BICC1: variants seen among roughly 807,000 people sequenced by gnomAD.
BICC1 encodes the protein BicC family RNA binding protein 1.
A neutral mutation model predicts 111.0 loss-of-function variants in BICC1; 43 were observed. The ratio of observed to expected loss-of-function variants is 0.39; its 90% CI spans 0.30 to 0.50. The LOEUF (loss-of-function observed/expected upper bound fraction) is 0.50. Among genes scored for constraint, BICC1 ranks in the 20% least tolerant of loss-of-function variants. The pLI, the probability that BICC1 is intolerant of heterozygous loss-of-function variation, is 0.88. For synonymous variants in BICC1, 467 were observed against 434.4 expected (o/e 1.07, Z -0.93); for missense variants, 1,091 against 1,203.2 (o/e 0.91, Z 1.38).
At chr10:58,757,876 G>A (rs1190547535) in intron 3 of BICC1, among the ~76,000 whole-genome samples, 1 of 152,034 alleles carries the variant, frequency 6.6e-6, no homozygotes, top group African/African-American at 2.4e-5. Flanking sequence ...TCTTTTTGCT[G>A]CCACAGCAAA....
intron 2 of BICC1, among the ~76,000 whole-genome samples, chr10:58,662,938 T>C (rs1468487346): frequency 6.6e-6 from 1 of 152,192 alleles, no homozygotes; most frequent in Non-Finnish European, 1.5e-5. Context: ...TTTTATCCAG[T>C]GTCTAGAATA....
intron 2 of BICC1, among the ~76,000 whole-genome samples, chr10:58,643,421 A>G (rs141771188): frequency 6.0e-4 from 92 of 152,330 alleles, no homozygotes; most frequent in African/African-American, 2.0e-3. Flanking sequence ...TTAGTTGTCA[A>G]TCACCACCTG....
chr10:58,620,250 AT>A (rs1459566464), intron 1 of BICC1, among the ~76,000 whole-genome samples: 1 of 152,240 alleles, frequency 6.6e-6, no homozygotes, highest in Non-Finnish European at 1.5e-5. Flanking sequence ...ATCTATAAAA[AT>A]GATATGAAAA....
chr10:58,607,942 G>A (rs1845283896), intron 1 of BICC1, among the ~76,000 whole-genome samples: 1 of 152,132 alleles, frequency 6.6e-6, no homozygotes, highest in African/African-American at 2.4e-5. Flanking sequence ...GGAAATAGCT[G>A]TCCTTCCTGG....
rs570619521 is a variant in BICC1, at chr10:58,621,782, C to A, written c.237+881C>A. Reference sequence around the variant, plus strand: ...GTGTGGTCGCAGATGCCTGTAATCCCAGTTACTTGGAAGGCTGAGGCACGA... The same window carrying A: ...GTGTGGTCGCAGATGCCTGTAATCCAAGTTACTTGGAAGGCTGAGGCACGA... On this transcript the variant is annotated intron_variant, in intron 2 of 20. Coordinates refer to ENST00000373886, the MANE Select transcript of BICC1 (RefSeq NM_001080512.3). Among the ~76,000 whole-genome samples the A allele has an allele frequency of 4.6e-5, 7 of 152,018 alleles. No individual in the cohort carries two copies. The South Asian group carries it at 1.5e-3, about 32-fold the overall frequency.
At chr10:58,759,302 T>A (rs1206748948) in intron 3 of BICC1, among the ~76,000 whole-genome samples, 1 of 152,076 alleles carries the variant, frequency 6.6e-6, no homozygotes, top group Non-Finnish European at 1.5e-5. Context: ...TAAGCAAAAA[T>A]GATTCAATAT....
intron 1 of BICC1, among the ~76,000 whole-genome samples, chr10:58,581,631 C>T (rs1185449192): frequency 1.3e-5 from 2 of 152,132 alleles, no homozygotes; most frequent in Non-Finnish European, 1.5e-5. Context: ...TAGTTAACAA[C>T]ATTAACGATC....
chr10:58,780,928 T>C (rs1025429197), intron 3 of BICC1, among the ~76,000 whole-genome samples: 3 of 152,190 alleles, frequency 2.0e-5, no homozygotes, highest in Non-Finnish European at 2.9e-5. Context: ...CTTACAGATA[T>C]CCATATGAAA....
rs1331775525 is a variant in BICC1 at position 58,817,713 on chromosome 10, G to C, written c.2685G>C (p.Gln895His). The change falls in exon 19 of 21, where the codon CAG becomes CAC. Residue 895 changes from glutamine to histidine, a missense_variant. Coordinates refer to ENST00000373886, the MANE Select transcript of BICC1 (RefSeq NM_001080512.3). ...TGGGCAAATACACAGATGTTTTCCAGCAACAAGAGGTCAGTCATTATTTAT... is the reference window on the plus strand; with the variant it reads ...TGGGCAAATACACAGATGTTTTCCACCAACAAGAGGTCAGTCATTATTTAT... ...LGLGKYTDVF[Q>H]QQEIDLQTFL... 1 of 1,607,514 alleles carries C rather than the reference G, an allele frequency of 6.2e-7. No individual in the cohort carries two copies. Among genetic ancestry groups the C allele is most frequent in the Admixed American group, 1.7e-5 (1 of 59,082 alleles).
chr10:58,729,593 G>A (rs1841223465), intron 3 of BICC1, among the ~76,000 whole-genome samples: 1 of 152,164 alleles, frequency 6.6e-6, no homozygotes, highest in South Asian at 2.1e-4. Context: ...AAGAAAAGAG[G>A]TTTAATTGGC....
intron 3 of BICC1, among the ~76,000 whole-genome samples, chr10:58,777,547 C>A (rs1265108390): frequency 3.3e-5 from 5 of 152,160 alleles, no homozygotes; most frequent in Non-Finnish European, 7.3e-5. Context: ...TCCTTGCATT[C>A]AGCAAGAACC....
chr10:58,604,389 G>T (rs550898190), intron 1 of BICC1, among the ~76,000 whole-genome samples: 2 of 152,152 alleles, frequency 1.3e-5, no homozygotes, highest in African/African-American at 4.8e-5. Context: ...AAATTAAGCG[G>T]CTGGGCGTGG....
intron 1 of BICC1, among the ~76,000 whole-genome samples, chr10:58,573,107 C>T (rs1031045958): frequency 3.3e-5 from 5 of 152,122 alleles, no homozygotes; most frequent in African/African-American, 1.2e-4. Flanking sequence ...GCTGCATGTT[C>T]TTCCTGCTTG....
chr10:58,810,823 C>G (rs1444885918), intron 17 of BICC1, among the ~76,000 whole-genome samples: 2 of 151,792 alleles, frequency 1.3e-5, no homozygotes, highest in Admixed American at 6.6e-5. Context: ...TTTCATTTTT[C>G]AAAAGAAAAA....
chr10:58,564,186 T>G (rs1428244064), intron 1 of BICC1, among the ~76,000 whole-genome samples: 1 of 152,218 alleles, frequency 6.6e-6, no homozygotes, highest in Non-Finnish European at 1.5e-5. Context: ...TTTTCTTGAC[T>G]GTTTAAAAAA....
chr10:58,790,015 T>G, intron 8 of BICC1, 82 bp downstream of exon 8: 4 of 1,465,146 alleles, frequency 2.7e-6, no homozygotes, highest in Non-Finnish European at 3.7e-6. Flanking sequence ...TGTACTAATG[T>G]GATATTTAGG....
intron 20 of BICC1, among the ~76,000 whole-genome samples, chr10:58,824,771 CTCTAA>C (rs760607764): frequency 2.6e-5 from 4 of 152,104 alleles, no homozygotes; most frequent in Non-Finnish European, 5.9e-5. Flanking sequence ...TACATAATCC[CTCTAA>C]TCTATTTTAA....
chr10:58,602,108 A>T (rs1790776399), intron 1 of BICC1, among the ~76,000 whole-genome samples: 1 of 152,154 alleles, frequency 6.6e-6, no homozygotes, highest in Non-Finnish European at 1.5e-5. Flanking sequence ...TGAATTTAAG[A>T]AGAAAAATGA....
chr10:58,638,094 GA>G (rs1462447219), intron 2 of BICC1, among the ~76,000 whole-genome samples: 2 of 151,744 alleles, frequency 1.3e-5, no homozygotes, highest in Non-Finnish European at 2.9e-5. Context: ...TGTTTTGGAG[GA>G]AAAAAAGAAT....
Sources: gnomAD v4.1 joint callset for allele counts (sites outside exome capture counted in the v4.1 genomes callset) on GRCh38, gnomAD v4.1.1 for gene constraint, MANE v1.5 for transcripts, NCBI Gene and HGNC (gene_info 2026-07-23, HGNC 2026-07-21) for gene names.